Variants in PCNX2 observed in about 807,000 individuals in gnomAD.
The protein encoded by PCNX2 is pecanex-like protein 2.
A neutral mutation model predicts 223.8 loss-of-function variants in PCNX2; 168 were observed. The observed-to-expected ratio is 0.75, with a 90% CI of 0.66 to 0.85. The LOEUF is 0.85. PCNX2 is among the 40% of genes least tolerant of loss of function. The pLI is 0.00. For synonymous variants in PCNX2, 1,006 were observed against 1,052.6 expected (o/e 0.96, Z 0.86); for missense variants, 2,507 against 2,675.5 (o/e 0.94, Z 1.39).
At chr1:233,047,876 T>C (rs749081708) in intron 25 of PCNX2, among the ~76,000 whole-genome samples, 7 of 152,036 alleles carry the variant, frequency 4.6e-5, no homozygotes, top group Non-Finnish European at 8.8e-5. Context: ...TAGAAATCTA[T>C]AGAATACTCC....
intron 1 of PCNX2, among the ~76,000 whole-genome samples, chr1:233,280,877 T>C (rs1236331719): frequency 6.6e-6 from 1 of 152,234 alleles, no homozygotes; most frequent in East Asian, 1.9e-4. Flanking sequence ...TTCTTAATAA[T>C]ATTTTTACAA....
At chr1:233,009,467 A>T (rs941177528) in intron 28 of PCNX2, among the ~76,000 whole-genome samples, 1 of 152,266 alleles carries the variant, frequency 6.6e-6, no homozygotes, top group African/African-American at 2.4e-5. Context: ...TTAACAAAAT[A>T]GAAATAACTA....
chr1:233,227,199 AGT>A (rs748708970), intron 10 of PCNX2, 25 bp downstream of exon 10: 5 of 1,591,024 alleles, frequency 3.1e-6, no homozygotes, highest in African/African-American at 2.7e-5. Flanking sequence ...GCCTTCCGAC[AGT>A]GTGTGTGCAT....
chr1:233,060,404 A>G (rs1340194685), intron 23 of PCNX2, among the ~76,000 whole-genome samples: 1 of 152,192 alleles, frequency 6.6e-6, no homozygotes, highest in Non-Finnish European at 1.5e-5. Flanking sequence ...ACCTTCTAAA[A>G]CTATGTTCAC....
intron 23 of PCNX2, among the ~76,000 whole-genome samples, chr1:233,078,050 G>A (rs1673176537): frequency 6.6e-6 from 1 of 152,190 alleles, no homozygotes; most frequent in African/African-American, 2.4e-5. Flanking sequence ...TAAGGCCTGG[G>A]CAAGGTCTTT....
At chr1:233,061,182 T>C (rs1190019785) in intron 23 of PCNX2, among the ~76,000 whole-genome samples, 1 of 152,024 alleles carries the variant, frequency 6.6e-6, no homozygotes, top group Non-Finnish European at 1.5e-5. Flanking sequence ...CAAGACAGAG[T>C]TAAAAATAGA....
At chr1:233,157,472 T>C (rs953777443) in intron 19 of PCNX2, among the ~76,000 whole-genome samples, 2 of 152,236 alleles carry the variant, frequency 1.3e-5, no homozygotes, top group African/African-American at 4.8e-5. Context: ...GACTCTGTTC[T>C]TGGTTAGTGA....
At chr1:233,163,615 C>T (rs1678626698) in intron 17 of PCNX2, among the ~76,000 whole-genome samples, 1 of 150,962 alleles carries the variant, frequency 6.6e-6, no homozygotes. Context: ...TATATATCCC[C>T]ATAAAACCAT....
At chr1:233,248,466 C>T (rs573144479) in intron 8 of PCNX2, among the ~76,000 whole-genome samples, 36 of 152,040 alleles carry the variant, frequency 2.4e-4, no homozygotes, top group African/African-American at 8.4e-4. Flanking sequence ...AGAGAAGACA[C>T]GAGATCTAGG....
At chr1:233,091,160 A>G (rs568231217) in intron 22 of PCNX2, among the ~76,000 whole-genome samples, 195 of 152,258 alleles carry the variant, frequency 1.3e-3, no homozygotes, top group Middle Eastern at 3.4e-3. Context: ...GTCGTATAAT[A>G]TCGACATCCT....
chr1:233,068,652 T>C (rs1244934899), intron 23 of PCNX2, among the ~76,000 whole-genome samples: 1 of 152,122 alleles, frequency 6.6e-6, no homozygotes, highest in East Asian at 1.9e-4. Flanking sequence ...CCAGTAGATT[T>C]TGAACAATTA....
intron 21 of PCNX2, among the ~76,000 whole-genome samples, chr1:233,105,760 T>G (rs78551342): frequency 6.6e-6 from 1 of 152,212 alleles, no homozygotes; most frequent in African/African-American, 2.4e-5. Flanking sequence ...GCCAGACACA[T>G]TCAGACCCTT....
chr1:233,015,066 T>C (rs1055423646), intron 27 of PCNX2, among the ~76,000 whole-genome samples: 2 of 152,166 alleles, frequency 1.3e-5, no homozygotes, highest in African/African-American at 4.8e-5. Flanking sequence ...CTTCAGGTCA[T>C]AAAGATGGGC....
chr1:233,112,858 G>A, intron 21 of PCNX2: 1 of 1,287,274 alleles, frequency 7.8e-7, no homozygotes, highest in Non-Finnish European at 1.0e-6. Flanking sequence ...GAAGGCTGAA[G>A]GGCAGAGGAG....
the PCNX2 span, among the ~76,000 whole-genome samples, chr1:233,320,876 C>T: frequency 6.6e-6 from 1 of 152,156 alleles, no homozygotes; most frequent in Non-Finnish European, 1.5e-5. Context: ...AGTTGTTGAG[C>T]TCATATTAGC....
intron 1 of PCNX2, among the ~76,000 whole-genome samples, chr1:233,267,100 C>A (rs1660377938): frequency 6.6e-6 from 1 of 152,022 alleles, no homozygotes; most frequent in African/African-American, 2.4e-5. Flanking sequence ...GGGCGGATCA[C>A]CTAAGGTCAG....
At chr1:233,097,082 A>G (rs1674217129) in intron 21 of PCNX2, among the ~76,000 whole-genome samples, 1 of 152,224 alleles carries the variant, frequency 6.6e-6, no homozygotes, top group African/African-American at 2.4e-5. Flanking sequence ...AGGCCATAGT[A>G]TATGAACCAA....
intron 14 of PCNX2, 25 bp from the exon 15 acceptor site, chr1:233,199,055 T>C (rs1397381831): frequency 3.9e-6 from 6 of 1,532,868 alleles, no homozygotes; most frequent in Non-Finnish European, 5.3e-6. Flanking sequence ...TCAACAGTTC[T>C]TTTCTAGACC....
intron 19 of PCNX2, among the ~76,000 whole-genome samples, chr1:233,149,687 C>T (rs560648067): frequency 6.6e-6 from 1 of 152,298 alleles, no homozygotes; most frequent in Non-Finnish European, 1.5e-5. Flanking sequence ...TCTCTAGAAA[C>T]AGGATTCACT....
Sources: allele counts gnomAD v4.1 joint callset (sites outside exome capture counted in the v4.1 genomes callset), GRCh38; gene constraint gnomAD v4.1.1; transcripts MANE v1.5; gene names NCBI Gene and HGNC (gene_info 2026-07-23, HGNC 2026-07-21).